ZNF664: variants seen among roughly 807,000 people sequenced by gnomAD.
ZNF664 encodes the protein zinc finger protein 664.
In ZNF664, 10 loss-of-function variants were observed where a neutral mutation model predicts 18.2. That is an observed-to-expected ratio of 0.55 (90% CI 0.34 to 0.93). The LOEUF (loss-of-function observed/expected upper bound fraction) is 0.93, where lower values mean the gene tolerates loss of function less well. ZNF664 is among the 40% of genes least tolerant of loss of function. ZNF664 has a pLI of 0.02. For missense variants in ZNF664, 193 were observed against 319.0 expected (o/e 0.61, Z 3.01); for synonymous variants, 119 against 104.2 (o/e 1.14, Z -0.86).
rs111250933 is a variant in ZNF664, at chr12:123,996,428, G to C, written c.-661+8290G>C. On this transcript the variant is annotated intron_variant, in intron 3 of 4. Coordinates refer to ENST00000337815, the MANE Select transcript of ZNF664 (RefSeq NM_152437.3). ...TGGGGAGAATGTGTATGGACACACA[G>C]AGCTGGAGATGCATAACAATTCAAG... 6.1e-4 allele frequency among the ~76,000 whole-genome samples: 93 copies of C among 152,288 alleles called. 1 individual carries two copies. Among genetic ancestry groups the C allele is most frequent in the African/African-American group, 2.1e-3 (89 of 41,556 alleles).
rs923948167 is a variant in ZNF664 at position 123,986,290 on chromosome 12, A to T, written c.-756-1753A>T. On this transcript the variant is annotated intron_variant, in intron 2 of 4. Coordinates refer to ENST00000337815, the MANE Select transcript of ZNF664 (RefSeq NM_152437.3). ...TCTGTACAAGGGGCTATATTGGAGGATGCATGTGGATCAGACCCATGAGGA... is the reference window on the plus strand; with the variant it reads ...TCTGTACAAGGGGCTATATTGGAGGTTGCATGTGGATCAGACCCATGAGGA... 3.3e-5 allele frequency among the ~76,000 whole-genome samples: 5 copies of T among 152,280 alleles called. No individual in the cohort carries two copies. The East Asian group carries it at 9.6e-4, about 29-fold the overall frequency.
intron 2 of ZNF664, among the ~76,000 whole-genome samples, chr12:123,983,977 A>G (rs1956795825): frequency 6.6e-6 from 1 of 152,204 alleles, no homozygotes; most frequent in South Asian, 2.1e-4. Context: ...CCATTGTGAC[A>G]TTGATTTCAA....
intron 3 of ZNF664, among the ~76,000 whole-genome samples, chr12:123,989,641 C>A (rs1956865974): frequency 6.6e-6 from 1 of 152,174 alleles, no homozygotes; most frequent in Non-Finnish European, 1.5e-5. Flanking sequence ...TCAGTTCAGT[C>A]CTGTGTACAT....
At chr12:123,998,150 A>G (rs1003950647) in intron 3 of ZNF664, among the ~76,000 whole-genome samples, 1 of 152,088 alleles carries the variant, frequency 6.6e-6, no homozygotes, top group African/African-American at 2.4e-5. Flanking sequence ...AACTTTTTCT[A>G]ATACCCCCGG....
chr12:124,005,433 A>G (rs760244218), intron 3 of ZNF664, among the ~76,000 whole-genome samples: 1 of 148,174 alleles, frequency 6.7e-6, no homozygotes, highest in Non-Finnish European at 1.5e-5. Context: ...TCTATCTTTT[A>G]GTTTCCAAAG....
rs1400146146 is a variant in ZNF664, at chr12:124,012,994, T to C, written c.*64T>C. On this transcript the variant is annotated 3_prime_UTR_variant, in exon 5 of 5. Coordinates refer to ENST00000337815, the MANE Select transcript of ZNF664 (RefSeq NM_152437.3). ...GTGCCACTAGGAAGGAAACCCTGTA[T>C]ATACCTACATTGACCCAAGAAATAT... is the stretch of plus-strand genomic sequence containing the variant. 2.0e-6 allele frequency: 3 copies of C among 1,534,332 alleles called. No homozygotes were observed. The highest frequency in any genetic ancestry group is 2.8e-5 in the African/African-American group (2 of 71,774).
chr12:123,978,244 C>T (rs1047956869), intron 2 of ZNF664, among the ~76,000 whole-genome samples: 1 of 151,406 alleles, frequency 6.6e-6, no homozygotes, highest in African/African-American at 2.4e-5. Context: ...TTTCAATATG[C>T]AAAGAACTCA....
At chr12:123,995,373 A>G (rs1042507341) in intron 3 of ZNF664, among the ~76,000 whole-genome samples, 2 of 152,226 alleles carry the variant, frequency 1.3e-5, no homozygotes, top group Non-Finnish European at 2.9e-5. Context: ...TCCTGCTAAA[A>G]TGCAATTCTG....
At chr12:123,995,826 G>C (rs34114498) in intron 3 of ZNF664, among the ~76,000 whole-genome samples, 58,034 of 152,150 alleles carry the variant, frequency 0.38, 12,104 homozygotes, top group African/African-American at 0.55. Flanking sequence ...TTCAGAGTAC[G>C]TGGAGAGAAG....
chr12:123,989,892 C>T (rs1188137690), intron 3 of ZNF664, among the ~76,000 whole-genome samples: 1 of 88,060 alleles, frequency 1.1e-5, no homozygotes, highest in Non-Finnish European at 2.6e-5. Context: ...GAATTCTATT[C>T]TTAGGATTCT....
intron 2 of ZNF664, among the ~76,000 whole-genome samples, chr12:123,985,055 A>C (rs1956808062): frequency 2.0e-5 from 3 of 151,858 alleles, no homozygotes. Context: ...GCAGTTTTGT[A>C]GTGGGGGTGG....
intron 3 of ZNF664, among the ~76,000 whole-genome samples, chr12:123,991,156 A>G (rs1385098712): frequency 6.6e-6 from 1 of 152,210 alleles, no homozygotes; most frequent in Non-Finnish European, 1.5e-5. Context: ...TACTAGTTAG[A>G]TAAGATAAAC....
chr12:123,979,008 TAAA>T (rs1027821959), intron 2 of ZNF664, among the ~76,000 whole-genome samples: 4 of 152,084 alleles, frequency 2.6e-5, no homozygotes, highest in Non-Finnish European at 5.9e-5. Context: ...AGGAACTAAC[TAAA>T]AAAACCTATA....
Position 124,012,840 on chromosome 12 carries a change from C to T in ZNF664, c.696C>T (p.Cys232=), listed in dbSNP as rs765132154. The T allele has an allele frequency of 3.4e-5, 54 of 1,607,564 alleles. 1 individual carries two copies. Among genetic ancestry groups the T allele is most frequent in the Middle Eastern group, 3.3e-4 (2 of 6,054 alleles). ...TGEKPFKCDE[C]GKAFSQSTSL... Reference sequence around the variant, plus strand: ...AGAAACCTTTCAAATGTGATGAGTGCGGAAAGGCCTTCAGTCAGAGTACGA... The same window carrying T: ...AGAAACCTTTCAAATGTGATGAGTGTGGAAAGGCCTTCAGTCAGAGTACGA... The change falls in exon 5 of 5, where the codon TGC becomes TGT. Residue 232 remains cysteine, a synonymous_variant. Transcript: ENST00000337815.
chr12:123,986,630 T>C (rs899676475), intron 2 of ZNF664, among the ~76,000 whole-genome samples: 7 of 152,210 alleles, frequency 4.6e-5, no homozygotes, highest in Admixed American at 2.0e-4. Context: ...GATTTTGTTT[T>C]GCTTTTATTG....
chr12:123,998,821 T>C (rs1472298212), intron 3 of ZNF664: 1 of 152,552 alleles, frequency 6.6e-6, no homozygotes, highest in Non-Finnish European at 1.5e-5. Flanking sequence ...ATGTGGAATA[T>C]GTGCCTGTGT....
chr12:123,986,481 A>G (rs1956826978), intron 2 of ZNF664, among the ~76,000 whole-genome samples: 2 of 152,052 alleles, frequency 1.3e-5, no homozygotes. Flanking sequence ...TATAGATTCT[A>G]CTTCCTCATG....
Position 124,011,791 on chromosome 12 carries a change from G to A in ZNF664, c.-354G>A, listed in dbSNP as rs1957138429. 3.6e-6 allele frequency: 4 copies of A among 1,106,710 alleles called. No homozygotes were observed. In the South Asian group the frequency reaches 1.2e-4, roughly 32 times the overall value. The allele number at this position is 1,106,710 out of a possible 1,614,324, so 68.6% of individuals were successfully genotyped here. A position where few individuals can be genotyped will look rare whatever the true frequency, so the allele number is the denominator to read the frequency against. ...GACATACAAGATTACTCTACAAGAG[G>A]AAGATTCCAGGGGCTCAAAAACGCA... On this transcript the variant is annotated 5_prime_UTR_variant, in exon 5 of 5. Transcript: ENST00000337815.
rs1956683109 is a variant in ZNF664 at position 123,975,757 on chromosome 12, T to C, written c.-757+1737T>C. 2.0e-5 allele frequency among the ~76,000 whole-genome samples: 3 copies of C among 152,200 alleles called. No individual in the cohort carries two copies. In the South Asian group the frequency reaches 6.2e-4, roughly 32 times the overall value. On this transcript the variant is annotated intron_variant, in intron 2 of 4. Coordinates refer to ENST00000337815, the MANE Select transcript of ZNF664 (RefSeq NM_152437.3). ...ACCTTAAAAAATAAGGCATATAAAT[T>C]AGTTGACTGTGAATAAACATATTAG...
Sources: gnomAD v4.1 joint callset for allele counts (sites outside exome capture counted in the v4.1 genomes callset) on GRCh38, gnomAD v4.1.1 for gene constraint, MANE v1.5 for transcripts, NCBI Gene and HGNC (gene_info 2026-07-23, HGNC 2026-07-21) for gene names.